Variants in MAP1B observed in about 807,000 individuals in gnomAD.
MAP1B encodes microtubule associated protein 1B, also known as microtubule-associated protein 1B.
In MAP1B, 12 loss-of-function variants were observed where a neutral mutation model predicts 176.1. That is an observed-to-expected ratio of 0.07 (90% CI 0.04 to 0.11). The LOEUF (loss-of-function observed/expected upper bound fraction) is 0.11. Ranked by LOEUF, MAP1B falls within the 10% of genes least tolerant of loss-of-function variation. The pLI is 1.00. For missense variants in MAP1B, 2,523 were observed against 2,990.5 expected (o/e 0.84, Z 3.65); for synonymous variants, 1,044 against 1,135.0 (o/e 0.92, Z 1.61).
At chr5:72,120,616 C>T (rs1181854616) in intron 2 of MAP1B, among the ~76,000 whole-genome samples, 1 of 151,708 alleles carries the variant, frequency 6.6e-6, no homozygotes, top group Non-Finnish European at 1.5e-5. Flanking sequence ...TTAGTAGAGA[C>T]GGGGTTTCAC....
chr5:72,111,111 C>G lies in MAP1B; in HGVS notation c.184+3396C>G, dbSNP rs1411077672. 2.0e-5 allele frequency among the ~76,000 whole-genome samples: 3 copies of G among 152,118 alleles called. No individual in the cohort carries two copies. The East Asian group carries it at 5.8e-4, about 29-fold the overall frequency. On this transcript the variant is annotated intron_variant, in intron 1 of 6. Transcript: ENST00000296755. ...TACTCTTTGGCACCTCCTTTTTCTC[C>G]TCCCTAATTAGCCCCCAGCATGGAT...
chr5:72,204,868 T>A lies in MAP1B; in HGVS notation c.7252-216T>A, dbSNP rs1448208038. 6.6e-6 allele frequency among the ~76,000 whole-genome samples: 1 copy of A among 152,252 alleles called. No individual in the cohort carries two copies. Among genetic ancestry groups the A allele is most frequent in the Admixed American group, 6.5e-5 (1 of 15,288 alleles). The stretch of plus-strand genomic sequence containing the variant: ...ATTAATTGCTTTTTGGTTCCAGCCT[T>A]CAGTTTCCCTTAGAAACAATAGCTT... On this transcript the variant is annotated intron_variant, in intron 6 of 6. Transcript: ENST00000296755. This position sits in a 1 kb window ranked among gnomAD's most constrained non-coding sequence, Gnocchi z 4.4.
At chr5:72,150,157 A>G (rs1746116543) in intron 2 of MAP1B, among the ~76,000 whole-genome samples, 1 of 152,270 alleles carries the variant, frequency 6.6e-6, no homozygotes, top group African/African-American at 2.4e-5. Flanking sequence ...TGTGCAATAT[A>G]AACAGAATGG....
intron 2 of MAP1B, among the ~76,000 whole-genome samples, chr5:72,152,155 G>A (rs1746152510): frequency 6.6e-6 from 1 of 152,286 alleles, no homozygotes; most frequent in South Asian, 2.1e-4. Context: ...TTCTAAAGGT[G>A]CACACCAGAA....
At chr5:72,115,425 G>A (rs934903906) in intron 1 of MAP1B, among the ~76,000 whole-genome samples, 2 of 152,082 alleles carry the variant, frequency 1.3e-5, no homozygotes, top group African/African-American at 4.8e-5. Context: ...CCTAACAACT[G>A]TTTTCTTTGA....
At chr5:72,130,138 A>G (rs1001303715) in intron 2 of MAP1B, among the ~76,000 whole-genome samples, 2 of 151,016 alleles carry the variant, frequency 1.3e-5, no homozygotes, top group Non-Finnish European at 2.9e-5. Flanking sequence ...TTAATTAAAA[A>G]GAAATTTTAA....
chr5:72,203,064 A>G (rs1210172660), intron 5 of MAP1B, among the ~76,000 whole-genome samples: 4 of 152,206 alleles, frequency 2.6e-5, no homozygotes, highest in Non-Finnish European at 4.4e-5. Context: ...GCTAGGTAGA[A>G]TGTTAGGGTA....
At chr5:72,187,521 T>C (rs955918748) in intron 4 of MAP1B, among the ~76,000 whole-genome samples, 9 of 152,158 alleles carry the variant, frequency 5.9e-5, no homozygotes, top group African/African-American at 2.2e-4. Flanking sequence ...TTCAGACCCA[T>C]CCCCATAGCA....
chr5:72,131,036 G>T (rs1745722996), intron 2 of MAP1B, among the ~76,000 whole-genome samples: 1 of 152,106 alleles, frequency 6.6e-6, no homozygotes. Context: ...TAATGTGTCA[G>T]TACTAAGGTT....
chr5:72,111,209 C>A (rs963765721), intron 1 of MAP1B, among the ~76,000 whole-genome samples: 13 of 152,140 alleles, frequency 8.5e-5, no homozygotes, highest in Admixed American at 2.0e-4. Context: ...GACATACATC[C>A]GTGTCTTGCA....
intron 2 of MAP1B, among the ~76,000 whole-genome samples, chr5:72,130,134 A>G (rs2112140342): frequency 6.6e-6 from 1 of 151,422 alleles, no homozygotes; most frequent in South Asian, 2.1e-4. Context: ...TAAATTAATT[A>G]AAAAGAAATT....
At position 72,203,552 on chromosome 5, in the gene MAP1B, A is replaced by G. The variant is rs1236867321; in HGVS notation, c.7013-11A>G. The G allele has an allele frequency of 6.2e-7, 1 of 1,604,792 alleles. No individual in the cohort carries two copies. The highest frequency in any genetic ancestry group is 8.5e-7 in the Non-Finnish European group (1 of 1,171,896). On this transcript the variant is annotated splice_polypyrimidine_tract_variant and intron_variant, in intron 5 of 6. Coordinates refer to ENST00000296755, the MANE Select transcript of MAP1B (RefSeq NM_005909.5). ...CTATGACCTTGCTTTGTCTTTGTTTATTTACCCAAGGACCAGGAACTACCA... is the reference window on the plus strand; with the variant it reads ...CTATGACCTTGCTTTGTCTTTGTTTGTTTACCCAAGGACCAGGAACTACCA...
intron 1 of MAP1B, among the ~76,000 whole-genome samples, chr5:72,114,732 G>A (rs1251744301): frequency 6.6e-6 from 1 of 152,230 alleles, no homozygotes; most frequent in Non-Finnish European, 1.5e-5. Context: ...CCCTTTGGGA[G>A]GGCAGGAGAA....
intron 2 of MAP1B, among the ~76,000 whole-genome samples, chr5:72,135,067 C>T (rs925850653): frequency 2.0e-5 from 3 of 151,172 alleles, no homozygotes; most frequent in Non-Finnish European, 4.4e-5. Flanking sequence ...CAGCCCCTCC[C>T]GCAATAGGAA....
chr5:72,125,219 G>A (rs1376754348), intron 2 of MAP1B, among the ~76,000 whole-genome samples: 2 of 152,128 alleles, frequency 1.3e-5, no homozygotes, highest in Admixed American at 6.5e-5. Context: ...GTTTTTGGTG[G>A]TGCAATTCAA....
intron 2 of MAP1B, among the ~76,000 whole-genome samples, chr5:72,157,906 C>G (rs1746253874): frequency 6.6e-6 from 1 of 152,132 alleles, no homozygotes; most frequent in Non-Finnish European, 1.5e-5. Flanking sequence ...ATGGCACGAT[C>G]TTGGCTCACT....
At chr5:72,154,709 C>G (rs538891168) in intron 2 of MAP1B, among the ~76,000 whole-genome samples, 1 of 152,254 alleles carries the variant, frequency 6.6e-6, no homozygotes, top group South Asian at 2.1e-4. Context: ...AATTTAGAAG[C>G]TGTGTCTTGT....
Position 72,138,483 on chromosome 5 carries a change from C to A in MAP1B, c.286+22684C>A, listed in dbSNP as rs115614088. ...ATATATATGAAGAGTCATAGAAATG[C>A]TCACGTACTTCACCCAGTAATTCCC... On this transcript the variant is annotated intron_variant, in intron 2 of 6. Transcript: ENST00000296755. Among the ~76,000 whole-genome samples the A allele has an allele frequency of 5.8e-3, 889 of 152,262 alleles. 10 individuals are homozygous for A. The highest frequency in any genetic ancestry group is 0.02 in the African/African-American group (839 of 41,552).
intron 2 of MAP1B, among the ~76,000 whole-genome samples, chr5:72,141,656 C>T (rs1051475886): frequency 4.6e-5 from 7 of 152,110 alleles, no homozygotes; most frequent in Non-Finnish European, 8.8e-5. Context: ...ATGACTTTCT[C>T]CATTAAGCCC....
Sources: gnomAD v4.1 joint callset for allele counts (sites outside exome capture counted in the v4.1 genomes callset) on GRCh38, gnomAD v4.1.1 for gene constraint, Gnocchi (gnomAD v3.1) non-coding constraint, MANE v1.5 for transcripts, NCBI Gene and HGNC (gene_info 2026-07-23, HGNC 2026-07-21) for gene names.